The following GSG1L variants were observed in gnomAD, a reference collection of about 807,000 sequenced individuals.
GSG1L encodes GSG1 like.
In GSG1L, 24 loss-of-function variants were observed where a neutral mutation model predicts 42.1. The ratio of observed to expected loss-of-function variants is 0.57; its 90% CI spans 0.41 to 0.80. The LOEUF (loss-of-function observed/expected upper bound fraction) is 0.80, where lower values mean the gene tolerates loss of function less well. Among genes scored for constraint, GSG1L ranks in the 30% least tolerant of loss-of-function variants. The pLI, the probability that GSG1L is intolerant of heterozygous loss-of-function variation, is 0.00. For missense variants in GSG1L, 445 were observed against 472.2 expected, an observed-to-expected ratio of 0.94 and a Z score of 0.53; for synonymous variants, 215 against 203.5, an observed-to-expected ratio of 1.06 and a Z score of -0.48.
chr16:27,886,043 G>A (rs2084024664), intron 2 of GSG1L, among the ~76,000 whole-genome samples: 2 of 152,144 alleles, frequency 1.3e-5, no homozygotes, highest in South Asian at 2.1e-4. Context: ...GCTCCATGAT[G>A]GGGACATGAC....
chr16:27,828,466 C>T (rs573391118), intron 5 of GSG1L, among the ~76,000 whole-genome samples: 1 of 152,332 alleles, frequency 6.6e-6, no homozygotes, highest in African/African-American at 2.4e-5. Context: ...AGAAGGAAAC[C>T]TTGGTTCGGC....
intron 2 of GSG1L, among the ~76,000 whole-genome samples, chr16:27,921,366 G>C (rs2084521878): frequency 6.6e-6 from 1 of 152,190 alleles, no homozygotes; most frequent in Non-Finnish European, 1.5e-5. Context: ...ACCACGGCCA[G>C]TGTCTGTTCT....
chr16:28,045,184 C>T (rs558838661), intron 1 of GSG1L, among the ~76,000 whole-genome samples: 1 of 152,292 alleles, frequency 6.6e-6, no homozygotes, highest in South Asian at 2.1e-4. Context: ...AAGTGCAACG[C>T]TATGAGTGAA....
At chr16:27,835,367 A>C (rs971852451) in intron 4 of GSG1L, among the ~76,000 whole-genome samples, 1 of 152,092 alleles carries the variant, frequency 6.6e-6, no homozygotes, top group Admixed American at 6.6e-5. Context: ...TCATCCTTTT[A>C]CTTCCAGCCT....
chr16:27,812,752 T>C (rs2140949208), intron 5 of GSG1L, among the ~76,000 whole-genome samples: 1 of 151,978 alleles, frequency 6.6e-6, no homozygotes, highest in Middle Eastern at 3.4e-3. Flanking sequence ...TCCTTTTTAT[T>C]TTGTCTTTGT....
intron 1 of GSG1L, among the ~76,000 whole-genome samples, chr16:27,967,011 T>G (rs1432564957): frequency 6.6e-6 from 1 of 152,076 alleles, no homozygotes; most frequent in Admixed American, 6.6e-5. Flanking sequence ...ACCACTGAGA[T>G]GGCCCCTGCG....
rs1567542911 is a variant in GSG1L, at chr16:27,979,713, AGG to A, written c.350-16512_350-16511del. ...AAGGAAGGAAGGAAGGAAGGAAGGA[AGG>A]AAGGAAGGAAGGAAAGAAAAAGAAA... On this transcript the variant is annotated intron_variant, in intron 1 of 6. Transcript: ENST00000447459. Among the ~76,000 whole-genome samples, 209 of 64,178 alleles carry A rather than the reference AGG, an allele frequency of 3.3e-3. 13 individuals are homozygous for A. Among genetic ancestry groups the A allele is most frequent in the African/African-American group, 0.011 (180 of 16,254 alleles). 42.1% of individuals were successfully genotyped at this position (64,178 alleles called of 152,430 possible).
At chr16:27,794,837 T>C (rs2082800343) in intron 6 of GSG1L, among the ~76,000 whole-genome samples, 1 of 152,106 alleles carries the variant, frequency 6.6e-6, no homozygotes, top group Non-Finnish European at 1.5e-5. Context: ...GCTGATCCCC[T>C]AGGTGGGAGC....
At chr16:27,972,693 G>A (rs2085206102) in intron 1 of GSG1L, among the ~76,000 whole-genome samples, 1 of 152,086 alleles carries the variant, frequency 6.6e-6, no homozygotes, top group African/African-American at 2.4e-5. Flanking sequence ...ATCCTATTAG[G>A]TCAATCAATT....
chr16:27,906,385 C>T (rs1295754235), intron 2 of GSG1L, among the ~76,000 whole-genome samples: 1 of 152,162 alleles, frequency 6.6e-6, no homozygotes, highest in Non-Finnish European at 1.5e-5. Flanking sequence ...CATGAAATCC[C>T]CCTATTTCCC....
intron 2 of GSG1L, among the ~76,000 whole-genome samples, chr16:27,957,850 G>A (rs976337814): frequency 6.6e-6 from 1 of 152,140 alleles, no homozygotes; most frequent in African/African-American, 2.4e-5. Flanking sequence ...TTTACTCATG[G>A]TGGAAGATGT....
chr16:27,875,096 C>T (rs533284717), intron 3 of GSG1L, among the ~76,000 whole-genome samples: 7 of 152,282 alleles, frequency 4.6e-5, no homozygotes, highest in South Asian at 2.1e-4. Context: ...CCACACCAGG[C>T]GTCATCTGTG....
chr16:27,853,039 G>A (rs948982019), intron 3 of GSG1L, among the ~76,000 whole-genome samples: 1 of 152,172 alleles, frequency 6.6e-6, no homozygotes, highest in Non-Finnish European at 1.5e-5. Flanking sequence ...GAAGCTGTTG[G>A]GACTGACCCA....
chr16:28,058,747 G>C lies in GSG1L; in HGVS notation c.349+4329C>G, dbSNP rs549977924. Among the ~76,000 whole-genome samples, 5 of 151,980 alleles carry C rather than the reference G, an allele frequency of 3.3e-5. No individual in the cohort carries two copies. The East Asian group carries it at 9.6e-4, about 29-fold the overall frequency. ...GAATATGACACTAACATACTCCCAAGCACCAAAAACCTCCCGGTTGGGGAC... is the reference window on the plus strand; with the variant it reads ...GAATATGACACTAACATACTCCCAACCACCAAAAACCTCCCGGTTGGGGAC... On this transcript the variant is annotated intron_variant, in intron 1 of 6. Transcript: ENST00000447459.
At chr16:27,845,706 C>A (rs1176463797) in intron 3 of GSG1L, among the ~76,000 whole-genome samples, 4 of 152,142 alleles carry the variant, frequency 2.6e-5, no homozygotes, top group Non-Finnish European at 5.9e-5. Flanking sequence ...TATTATATTT[C>A]TCTTAGTACT....
intron 3 of GSG1L, chr16:27,850,644 G>T (rs1172923775): frequency 2.2e-6 from 1 of 453,842 alleles, no homozygotes; most frequent in Non-Finnish European, 4.4e-6. Flanking sequence ...TTTAGAAGAG[G>T]AGGAGGGTAA....
At chr16:27,878,343 T>C (rs1350186935) in intron 3 of GSG1L, among the ~76,000 whole-genome samples, 1 of 152,174 alleles carries the variant, frequency 6.6e-6, no homozygotes, top group Non-Finnish European at 1.5e-5. Context: ...AAACATGCCC[T>C]TCTTCACATG....
chr16:27,855,131 G>C (rs901731380), intron 3 of GSG1L, among the ~76,000 whole-genome samples: 5 of 152,200 alleles, frequency 3.3e-5, no homozygotes, highest in African/African-American at 1.2e-4. Flanking sequence ...TGGTGGAATT[G>C]ATGAATGAGG....
At chr16:28,023,780 T>C in intron 1 of GSG1L, among the ~76,000 whole-genome samples, 1 of 152,158 alleles carries the variant, frequency 6.6e-6, no homozygotes, top group East Asian at 1.9e-4. Flanking sequence ...ATCCCAGCAC[T>C]TTGGGAGACC....
Sources: allele counts gnomAD v4.1 joint callset (sites outside exome capture counted in the v4.1 genomes callset), GRCh38; gene constraint gnomAD v4.1.1; transcripts MANE v1.5; gene names NCBI Gene and HGNC (gene_info 2026-07-23, HGNC 2026-07-21).